The following ERG variants were observed in gnomAD, a reference collection of about 807,000 sequenced individuals.
ERG encodes ETS transcription factor ERG, also known as transcriptional regulator ERG.
A neutral mutation model predicts 55.3 loss-of-function variants in ERG; 9 were observed. That is an observed-to-expected ratio of 0.16 (90% CI 0.10 to 0.28). The LOEUF is 0.28. ERG is among the 10% of genes least tolerant of loss of function. The pLI is 1.00. For synonymous variants in ERG, 223 were observed against 237.3 expected (o/e 0.94, Z 0.55); for missense variants, 434 against 631.6 (o/e 0.69, Z 3.35).
chr21:38,470,514 G>C (rs570229219), intron 1 of ERG, among the ~76,000 whole-genome samples: 2 of 152,226 alleles, frequency 1.3e-5, no homozygotes, highest in East Asian at 3.9e-4. Flanking sequence ...TGCTTTTTCT[G>C]TCATAATTGC....
chr21:38,622,245 C>T (rs1265903239), intron 1 of ERG, among the ~76,000 whole-genome samples: 1 of 152,206 alleles, frequency 6.6e-6, no homozygotes, highest in Admixed American at 6.5e-5. Context: ...AAACAGGGCC[C>T]CTGCTGCTTT....
At chr21:38,420,807 T>C (rs1339792704) in intron 3 of ERG, among the ~76,000 whole-genome samples, 1 of 152,236 alleles carries the variant, frequency 6.6e-6, no homozygotes, top group African/African-American at 2.4e-5. Flanking sequence ...CATTACCTCT[T>C]ACATCTGTGA....
chr21:38,421,729 AC>A (rs1462337547), intron 3 of ERG, among the ~76,000 whole-genome samples: 1 of 151,786 alleles, frequency 6.6e-6, no homozygotes, highest in East Asian at 1.9e-4. Flanking sequence ...TCCATTCTCC[AC>A]CTCCCTTAAT....
chr21:38,460,860 C>G lies in ERG; in HGVS notation c.19-15239G>C, dbSNP rs988675689. On this transcript the variant is annotated intron_variant, in intron 1 of 9. Coordinates refer to ENST00000288319, the MANE Select transcript of ERG (RefSeq NM_182918.4). The surrounding 1 kb of genome is among the most constrained non-coding windows in gnomAD (Gnocchi z 5.0). The stretch of plus-strand genomic sequence containing the variant: ...TGGCAAATGGCAGACAATGGTGTCA[C>G]TTCCTTTCTGCTTAGGAAGGAGACG... Among the ~76,000 whole-genome samples, 1 of 152,212 alleles carries G rather than the reference C, an allele frequency of 6.6e-6. No homozygotes were observed. The highest frequency in any genetic ancestry group is 1.5e-5 in the Non-Finnish European group (1 of 68,036).
chr21:38,613,950 C>T (rs1472576625), intron 1 of ERG, among the ~76,000 whole-genome samples: 1 of 152,146 alleles, frequency 6.6e-6, no homozygotes, highest in Non-Finnish European at 1.5e-5. Context: ...CCCTTGCATC[C>T]CACCTTCTGA....
chr21:38,458,423 C>CAAA (rs35307490), intron 1 of ERG, among the ~76,000 whole-genome samples: 23 of 83,690 alleles, frequency 2.7e-4, no homozygotes, highest in Non-Finnish European at 3.9e-4. Flanking sequence ...GACTCTGGCT[C>CAAA]AAAAAAAAAA....
chr21:38,458,396 C>G (rs1217895762), intron 1 of ERG, among the ~76,000 whole-genome samples: 1 of 147,104 alleles, frequency 6.8e-6, no homozygotes, highest in Non-Finnish European at 1.5e-5. Context: ...TGCACTCCAG[C>G]CTGGGTGACA....
intron 3 of ERG, 114 bp downstream of exon 3, chr21:38,423,296 G>C: frequency 8.7e-7 from 1 of 1,146,658 alleles, no homozygotes; most frequent in South Asian, 1.6e-5. Context: ...GCCCTGCTCT[G>C]GACAAAGGAG....
chr21:38,567,262 C>T (rs753785577), intron 2 of ERG, among the ~76,000 whole-genome samples: 2 of 152,212 alleles, frequency 1.3e-5, no homozygotes, highest in Admixed American at 1.3e-4. Flanking sequence ...ACAGAAGGTA[C>T]AGTCCAGCTC....
chr21:38,367,750 A>G, the ERG span: 3 of 438,428 alleles, frequency 6.8e-6, no homozygotes, highest in Admixed American at 8.7e-5. Flanking sequence ...GACTTTCATC[A>G]ACAATAACTA....
chr21:38,661,429 G>A (rs2060555846), intron 1 of ERG, among the ~76,000 whole-genome samples: 1 of 152,326 alleles, frequency 6.6e-6, no homozygotes, highest in East Asian at 1.9e-4. Flanking sequence ...TCGGTCGTGG[G>A]GAGGAGCCGG....
At chr21:38,409,574 A>G (rs1988946555) in intron 3 of ERG, among the ~76,000 whole-genome samples, 1 of 151,708 alleles carries the variant, frequency 6.6e-6, no homozygotes, top group South Asian at 2.1e-4. Context: ...GAAAAATGGG[A>G]AAGGCTTACC....
intron 1 of ERG, among the ~76,000 whole-genome samples, chr21:38,644,454 C>T (rs553414990): frequency 1.1e-4 from 17 of 152,292 alleles, no homozygotes; most frequent in African/African-American, 4.1e-4. Flanking sequence ...TCTTAGCAAA[C>T]AAGAGCCTTC....
chr21:38,613,303 C>T (rs1394748959), intron 1 of ERG, among the ~76,000 whole-genome samples: 1 of 152,192 alleles, frequency 6.6e-6, no homozygotes, highest in African/African-American at 2.4e-5. Flanking sequence ...GCACACGCGG[C>T]CCCTTTCCAG....
intron 2 of ERG, among the ~76,000 whole-genome samples, chr21:38,550,077 A>G (rs1208788646): frequency 2.0e-5 from 3 of 152,156 alleles, no homozygotes; most frequent in Non-Finnish European, 4.4e-5. Flanking sequence ...TCCCAAGGTG[A>G]CCACTCCAAA....
chr21:38,440,398 A>T (rs994421933), intron 2 of ERG, among the ~76,000 whole-genome samples: 8 of 151,894 alleles, frequency 5.3e-5, no homozygotes, highest in South Asian at 2.1e-4. Flanking sequence ...GTCTCCGTGA[A>T]CCCTGCCTCT....
At chr21:38,371,425 T>C in the ERG span, among the ~76,000 whole-genome samples, 3 of 152,138 alleles carry the variant, frequency 2.0e-5, no homozygotes, top group East Asian at 5.8e-4. Flanking sequence ...CAAACCTATG[T>C]TGAATAGTAA....
intron 2 of ERG, among the ~76,000 whole-genome samples, chr21:38,558,113 G>C (rs2059869507): frequency 1.3e-5 from 2 of 151,966 alleles, no homozygotes; most frequent in South Asian, 4.2e-4. Flanking sequence ...AGAGGTACCA[G>C]ACTATTAAGG....
chr21:38,619,816 G>T (rs538538848), intron 1 of ERG, among the ~76,000 whole-genome samples: 2 of 152,354 alleles, frequency 1.3e-5, no homozygotes, highest in South Asian at 4.1e-4. Context: ...TATCCTGGAA[G>T]ATAATTCGTC....
Sources: allele counts gnomAD v4.1 joint callset (sites outside exome capture counted in the v4.1 genomes callset), GRCh38; gene constraint gnomAD v4.1.1; non-coding constraint Gnocchi (gnomAD v3.1); transcripts MANE v1.5; gene names NCBI Gene and HGNC (gene_info 2026-07-23, HGNC 2026-07-21).